The following GLYR1 variants were observed in gnomAD, a reference collection of about 807,000 sequenced individuals.
The protein encoded by GLYR1 is glyoxylate reductase 1 homolog, also known as cytokine-like nuclear factor N-PAC.
Under a neutral mutation model 72.7 loss-of-function variants are expected in GLYR1, and 21 were observed. The observed-to-expected ratio is 0.29, with a 90% CI of 0.20 to 0.42. GLYR1 has a LOEUF of 0.42. Among genes scored for constraint, GLYR1 ranks in the 10% least tolerant of loss-of-function variants. The probability of loss-of-function intolerance (pLI) is 1.00; values close to 1 mark genes in which losing one functional copy is unlikely to be tolerated. For synonymous variants in GLYR1, 392 were observed against 270.2 expected (o/e 1.45, Z -4.42); for missense variants, 594 against 712.1 (o/e 0.83, Z 1.89).
rs2086037338 is a variant in GLYR1, at chr16:4,846,213, A to G, written c.39-3T>C. The G allele has an allele frequency of 6.2e-7, 1 of 1,613,842 alleles. No homozygotes were observed. Among genetic ancestry groups the G allele is most frequent in the Non-Finnish European group, 8.5e-7 (1 of 1,179,834 alleles). On this transcript the variant is annotated splice_polypyrimidine_tract_variant and splice_region_variant and intron_variant, in intron 1 of 15. Coordinates refer to ENST00000321919, the MANE Select transcript of GLYR1 (RefSeq NM_032569.4). ...GAGGATATCGGCCGAGTTTCCCCCT[A>G]GAGAAAACACAAAGAGTCAACACTT...
At chr16:4,844,306 T>C (rs895426541) in intron 3 of GLYR1, among the ~76,000 whole-genome samples, 1 of 152,180 alleles carries the variant, frequency 6.6e-6, no homozygotes, top group African/African-American at 2.4e-5. Flanking sequence ...TTAGGACAGA[T>C]CTGGTAAAAA....
At chr16:4,805,524 G>A (rs2082915391) in intron 15 of GLYR1, among the ~76,000 whole-genome samples, 1 of 152,200 alleles carries the variant, frequency 6.6e-6, no homozygotes, top group South Asian at 2.1e-4. Context: ...ACAGTACCCG[G>A]GGGATCTTGT....
intron 10 of GLYR1, among the ~76,000 whole-genome samples, chr16:4,815,451 C>T (rs925064897): frequency 7.2e-5 from 11 of 152,218 alleles, no homozygotes; most frequent in Non-Finnish European, 1.5e-4. Context: ...GAGAGATATA[C>T]TGTGATTTAC....
At chr16:4,823,328 C>T (rs2084161882) in intron 6 of GLYR1, among the ~76,000 whole-genome samples, 1 of 152,166 alleles carries the variant, frequency 6.6e-6, no homozygotes, top group Admixed American at 6.5e-5. Context: ...GGTACCAAGC[C>T]CTTGGCGATC....
In GLYR1 at chr16:4,832,807, T is replaced by A. The variant is rs772803387; in HGVS notation, c.261A>T (p.Glu87Asp). 6 of 1,613,280 alleles carry A rather than the reference T, an allele frequency of 3.7e-6. No individual in the cohort carries two copies. The highest frequency in any genetic ancestry group is 5.1e-6 in the Non-Finnish European group (6 of 1,179,686). ...TCCCTTTGGCTCTCCTGAGGAACTC[T>A]TCGACAGCATCTACCGCTTGCTGGA... ...KRFQQAVDAVEEFLRRAKGKD... is the reference protein window; with the variant it reads ...KRFQQAVDAVDEFLRRAKGKD... Residue 87 changes from glutamate (E) to aspartate (D), a missense_variant, in exon 4 of 16, where the codon GAA (glutamate) becomes GAT (aspartate). Around this residue, in one of 5 missense-constraint regions of GLYR1, gnomAD observed 252 missense variants for 211.3 expected, o/e 1.19. Coordinates refer to ENST00000321919, the MANE Select transcript of GLYR1 (RefSeq NM_032569.4).
chr16:4,819,132 G>A (rs1290179409), intron 9 of GLYR1, among the ~76,000 whole-genome samples: 2 of 152,032 alleles, frequency 1.3e-5, no homozygotes, highest in African/African-American at 4.8e-5. Flanking sequence ...CCTCATTTCT[G>A]ATCATATCAT....
At chr16:4,807,107 CTTTTTTTTTTTT>C (rs765039360) in intron 15 of GLYR1, among the ~76,000 whole-genome samples, 5 of 110,882 alleles carry the variant, frequency 4.5e-5, no homozygotes, top group Non-Finnish European at 7.4e-5. Context: ...CGCCTGGCCC[CTTTTTTTTTTTT>C]TTTTTTTTTT....
At chr16:4,830,221 C>CTTT (rs35409655) in intron 5 of GLYR1, among the ~76,000 whole-genome samples, 20 of 123,588 alleles carry the variant, frequency 1.6e-4, no homozygotes, top group Non-Finnish European at 2.6e-4. Context: ...CCAACTTTGT[C>CTTT]TTTTTTTTTT....
intron 3 of GLYR1, among the ~76,000 whole-genome samples, chr16:4,834,746 G>A (rs2085025567): frequency 6.6e-6 from 1 of 152,156 alleles, no homozygotes; most frequent in South Asian, 2.1e-4. Context: ...GATTACAGGT[G>A]TGAGCCAGCA....
At chr16:4,820,199 G>C (rs2083921603) in intron 9 of GLYR1, among the ~76,000 whole-genome samples, 1 of 152,196 alleles carries the variant, frequency 6.6e-6, no homozygotes, top group Non-Finnish European at 1.5e-5. Flanking sequence ...ATGTTGGCCA[G>C]GCTGGTCTTG....
chr16:4,807,924 C>T (rs562429740), intron 15 of GLYR1, among the ~76,000 whole-genome samples: 4 of 152,136 alleles, frequency 2.6e-5, no homozygotes, highest in African/African-American at 7.2e-5. Flanking sequence ...TTGAAACAGA[C>T]AAGAGACAGA....
At chr16:4,836,326 T>TG (rs150545697) in intron 3 of GLYR1, among the ~76,000 whole-genome samples, 5,283 of 152,278 alleles carry the variant, frequency 0.035, 324 homozygotes, top group African/African-American at 0.12. Context: ...TTTTTGTTGT[T>TG]GCTACTGTTG....
rs1350025741 is a variant in GLYR1 at position 4,827,391 on chromosome 16, C to T, written c.538-3484G>A. On this transcript the variant is annotated intron_variant, in intron 5 of 15. Transcript: ENST00000321919. ...CCTGTCTGAAGGTGCTGAACTGAAA[C>T]GGCTATCTGTCCTGTACCACATGCC... Among the ~76,000 whole-genome samples the T allele has an allele frequency of 2.6e-5, 4 of 152,198 alleles. No individual in the cohort carries two copies. The East Asian group carries it at 5.8e-4, about 22-fold the overall frequency.
At chr16:4,818,491 C>T (rs1367254574) in intron 9 of GLYR1, among the ~76,000 whole-genome samples, 2 of 151,914 alleles carry the variant, frequency 1.3e-5, no homozygotes, top group African/African-American at 4.8e-5. Context: ...CCATGTTACC[C>T]AGGCTGGTCT....
Position 4,846,206 on chromosome 16 carries a change from TC to T in GLYR1, c.42del (p.Lys15AsnfsTer19). On this transcript the variant is annotated frameshift_variant, in exon 2 of 16. Transcript: ENST00000321919. LOFTEE classifies it high-confidence loss of function. Reference protein sequence around the residue: ...VSLRLGDLVWGKLGRYPPWPG... With the variant: ...VSLRLGDLVWXKLGRYPPWPG... Reference sequence around the variant, plus strand: ...GGCCAAGGAGGATATCGGCCGAGTTTCCCCCTAGAGAAAACACAAAGAGTCA... The same window carrying T: ...GGCCAAGGAGGATATCGGCCGAGTTTCCCCTAGAGAAAACACAAAGAGTCA... 1.2e-6 allele frequency: 2 copies of T among 1,613,740 alleles called. No homozygotes were observed. Among genetic ancestry groups the T allele is most frequent in the Non-Finnish European group, 1.7e-6 (2 of 1,179,840 alleles).
At chr16:4,822,331 C>A (rs916071011) in intron 7 of GLYR1, among the ~76,000 whole-genome samples, 9 of 151,422 alleles carry the variant, frequency 5.9e-5, no homozygotes, top group Non-Finnish European at 1.3e-4. Context: ...AGGTGATCCA[C>A]CCGCCTTGGC....
intron 3 of GLYR1, among the ~76,000 whole-genome samples, chr16:4,842,730 C>T (rs1349257407): frequency 2.7e-5 from 4 of 148,968 alleles, no homozygotes; most frequent in South Asian, 4.3e-4. Flanking sequence ...GACAGAGTCT[C>T]GCTCTGTCAC....
rs181286934 is a variant in GLYR1 at position 4,809,029 on chromosome 16, C to G, written c.1587+2141G>C. On this transcript the variant is annotated intron_variant, in intron 15 of 15. Coordinates refer to ENST00000321919, the MANE Select transcript of GLYR1 (RefSeq NM_032569.4). The stretch of plus-strand genomic sequence containing the variant: ...CATTTGAAAAATGCTAATAGACATG[C>G]TAATTAAAAGGCAGATACTGTCAAA... 2.2e-3 allele frequency among the ~76,000 whole-genome samples: 332 copies of G among 151,762 alleles called. 2 individuals carry two copies. The highest frequency in any genetic ancestry group is 7.7e-3 in the African/African-American group (318 of 41,238).
At chr16:4,827,419 C>T (rs1212248550) in intron 5 of GLYR1, among the ~76,000 whole-genome samples, 1 of 152,210 alleles carries the variant, frequency 6.6e-6, no homozygotes, top group Non-Finnish European at 1.5e-5. Context: ...CACATGCCAG[C>T]TCTGTCCTCT....
Sources: gnomAD v4.1 joint callset for allele counts (sites outside exome capture counted in the v4.1 genomes callset) on GRCh38, gnomAD v4.1.1 for gene constraint, gnomAD v4.1.1 regional missense constraint, MANE v1.5 for transcripts, NCBI Gene and HGNC (gene_info 2026-07-23, HGNC 2026-07-21) for gene names.